The following POLK variants were observed in gnomAD, a reference collection of about 807,000 sequenced individuals.
POLK encodes the protein polymerase (DNA directed) kappa.
POLK carries 76 observed loss-of-function variants against 94.0 expected under a neutral mutation model. That is an observed-to-expected ratio of 0.81 (90% CI 0.67 to 0.98). The LOEUF (loss-of-function observed/expected upper bound fraction) is 0.98. Ranked by LOEUF, POLK falls within the 50% of genes least tolerant of loss-of-function variation. POLK has a pLI of 0.00. For missense variants in POLK, 954 were observed against 1,010.1 expected, an observed-to-expected ratio of 0.94 and a Z score of 0.75; for synonymous variants, 349 against 325.4, an observed-to-expected ratio of 1.07 and a Z score of -0.78.
intron 1 of POLK, among the ~76,000 whole-genome samples, chr5:75,529,642 T>TA (rs990652602): frequency 6.6e-6 from 1 of 152,180 alleles, no homozygotes; most frequent in South Asian, 2.1e-4. Context: ...ACAGATTTTT[T>TA]AAAAAAATTT....
exon 12 of POLK, chr5:75,594,043 C>T: frequency 6.3e-7 from 1 of 1,587,000 alleles, no homozygotes; most frequent in East Asian, 2.3e-5. Context: ...GAGATTAAGG[C>T]TTATGGGTAT....
At chr5:75,582,358 A>G (rs1772235228) in intron 7 of POLK, 3 of 152,772 alleles carry the variant, frequency 2.0e-5, no homozygotes, top group African/African-American at 7.2e-5. Context: ...AGGAAGATCT[A>G]TATAACAATT....
intron 3 of POLK, among the ~76,000 whole-genome samples, chr5:75,561,301 GTCT>G (rs1770961136): frequency 6.6e-6 from 1 of 152,138 alleles, no homozygotes; most frequent in Non-Finnish European, 1.5e-5. Flanking sequence ...CTGCATAAAG[GTCT>G]TCTTTTGAAG....
intron 3 of POLK, among the ~76,000 whole-genome samples, chr5:75,563,914 T>C (rs949556498): frequency 2.6e-5 from 4 of 152,192 alleles, no homozygotes; most frequent in Non-Finnish European, 5.9e-5. Context: ...TTAGGTCTGC[T>C]TGGTCCAGAG....
At chr5:75,518,372 A>G (rs1768414592) in intron 1 of POLK, among the ~76,000 whole-genome samples, 1 of 152,096 alleles carries the variant, frequency 6.6e-6, no homozygotes, top group Non-Finnish European at 1.5e-5. Flanking sequence ...GTAGGTTGTA[A>G]GTGTCCAGGA....
chr5:75,511,278 CG>C, upstream of POLK: 17 of 1,584,004 alleles, frequency 1.1e-5, 1 homozygote, highest in South Asian at 1.9e-4. Context: ...GCCCAGTCCT[CG>C]GGGTGAAGGG....
In POLK at chr5:75,526,005, A is replaced by G. The variant is rs1768823339; in HGVS notation, c.-14+14091A>G. ...AAATGAAATATCTAAACTAATGAGTAGCAATGAGAGGATGCTTCTTAAGCA... is the reference window on the plus strand; with the variant it reads ...AAATGAAATATCTAAACTAATGAGTGGCAATGAGAGGATGCTTCTTAAGCA... On this transcript the variant is annotated intron_variant, in intron 1 of 14. Transcript: ENST00000241436. Among the ~76,000 whole-genome samples, 3 of 152,238 alleles carry G rather than the reference A, an allele frequency of 2.0e-5. No homozygotes were observed. The South Asian group carries it at 6.2e-4, about 31-fold the overall frequency.
intron 1 of POLK, among the ~76,000 whole-genome samples, chr5:75,533,268 G>A (rs1769270454): frequency 6.6e-6 from 1 of 152,154 alleles, no homozygotes; most frequent in Non-Finnish European, 1.5e-5. Context: ...TGTGTATAAT[G>A]TAATAAAAGG....
intron 3 of POLK, among the ~76,000 whole-genome samples, chr5:75,556,314 TTGTTGAGGTGTC>T (rs1770617912): frequency 6.6e-6 from 1 of 152,252 alleles, no homozygotes; most frequent in African/African-American, 2.4e-5. Flanking sequence ...TATATGTTCT[TTGTTGAGGTGTC>T]TGTTAAGGTC....
At chr5:75,511,729 A>G (rs1451302140), upstream of POLK, 1 of 1,548,096 alleles carries the variant, frequency 6.5e-7, no homozygotes, top group Non-Finnish European at 8.7e-7. Context: ...CGACACGCCG[A>G]GCCTTCGGGA....
chr5:75,575,676 A>G (rs1771835279), intron 5 of POLK, among the ~76,000 whole-genome samples: 1 of 152,170 alleles, frequency 6.6e-6, no homozygotes, highest in Non-Finnish European at 1.5e-5. Flanking sequence ...TTTTCATTGG[A>G]AAGATTCTAT....
intron 7 of POLK, chr5:75,582,476 G>A (rs1443731755): frequency 1.3e-5 from 2 of 152,032 alleles, no homozygotes; most frequent in African/African-American, 4.8e-5. Context: ...AATTTGTTTT[G>A]TGAATAACAT....
Position 75,584,840 on chromosome 5 carries a change from G to A in POLK, c.1140G>A (p.Arg380=), listed in dbSNP as rs1035353121. ...CATGTACAGAACTTTACCAACAGAGGGCATTGCTTTCTCTCCTTTTCTCTG... is the reference window on the plus strand; with the variant it reads ...CATGTACAGAACTTTACCAACAGAGAGCATTGCTTTCTCTCCTTTTCTCTG... Residue 380 remains arginine (R), a synonymous_variant, in exon 9 of 15, where the codon AGG becomes AGA. Transcript: ENST00000241436. 1.9e-6 allele frequency: 3 copies of A among 1,599,938 alleles called. No homozygotes were observed. In the South Asian group the frequency reaches 3.3e-5, roughly 18 times the overall value.
chr5:75,579,776 G>A (rs1397707736), intron 6 of POLK, among the ~76,000 whole-genome samples: 2 of 151,924 alleles, frequency 1.3e-5, no homozygotes, highest in Non-Finnish European at 2.9e-5. Context: ...GCGAGGCAAG[G>A]TGGTTCACAT....
At position 75,587,061 on chromosome 5, in the gene POLK, A is replaced by G; in HGVS notation, c.1259+3A>G. On this transcript the variant is annotated splice_donor_region_variant and intron_variant, in intron 10 of 14. Coordinates refer to ENST00000241436, the Ensembl canonical transcript of POLK. ...AGGAAAAGTATGAGCGTTGAGAGGT[A>G]ATGTTTTATTATTTATTGTTAATTG... 6.7e-7 allele frequency: 1 copy of G among 1,482,312 alleles called. No homozygotes were observed. Among genetic ancestry groups the G allele is most frequent in the Non-Finnish European group, 9.3e-7 (1 of 1,074,762 alleles). 91.8% of individuals were successfully genotyped at this position (1,482,312 alleles called of 1,614,324 possible). A position where few individuals can be genotyped will look rare whatever the true frequency, so the allele number is the denominator to read the frequency against.
At chr5:75,573,952 G>A (rs551566612) in intron 5 of POLK, 83 bp downstream of exon 5, 6 of 1,388,292 alleles carry the variant, frequency 4.3e-6, no homozygotes, top group South Asian at 3.6e-5. Flanking sequence ...GCCTTAGCAC[G>A]TAGGATTTGG....
At chr5:75,525,045 T>C (rs1047557133) in intron 1 of POLK, among the ~76,000 whole-genome samples, 6 of 152,164 alleles carry the variant, frequency 3.9e-5, no homozygotes, top group African/African-American at 1.4e-4. Flanking sequence ...AAAACAAAAA[T>C]ATTAACACTC....
At chr5:75,594,918 GAT>G (rs1772985059) in intron 12 of POLK, among the ~76,000 whole-genome samples, 1 of 152,144 alleles carries the variant, frequency 6.6e-6, no homozygotes, top group Non-Finnish European at 1.5e-5. Context: ...ATTTATGAAA[GAT>G]ATAGCACACA....
chr5:75,524,701 A>G (rs1283294250), intron 1 of POLK, among the ~76,000 whole-genome samples: 1 of 152,178 alleles, frequency 6.6e-6, no homozygotes, highest in Non-Finnish European at 1.5e-5. Flanking sequence ...TGACAAAGCA[A>G]CCCTTACAGA....
Sources: allele counts gnomAD v4.1 joint callset (sites outside exome capture counted in the v4.1 genomes callset), GRCh38; gene constraint gnomAD v4.1.1; transcripts MANE v1.5; gene names NCBI Gene and HGNC (gene_info 2026-07-23, HGNC 2026-07-21).